CCDC149: variants seen among roughly 807,000 people sequenced by gnomAD.
CCDC149 encodes coiled-coil domain-containing protein 149.
Under a neutral mutation model 59.9 loss-of-function variants are expected in CCDC149, and 45 were observed. That is an observed-to-expected ratio of 0.75 (90% CI 0.59 to 0.96). The LOEUF (loss-of-function observed/expected upper bound fraction) is 0.96. Ranked by LOEUF, CCDC149 falls within the 40% of genes least tolerant of loss-of-function variation. The probability of loss-of-function intolerance (pLI) is 0.00; values close to 1 mark genes in which losing one functional copy is unlikely to be tolerated. For synonymous variants in CCDC149, 245 were observed against 260.6 expected, an observed-to-expected ratio of 0.94 and a Z score of 0.58; for missense variants, 584 against 664.7, an observed-to-expected ratio of 0.88 and a Z score of 1.33.
chr4:24,964,706 A>C (rs1343808339), intron 1 of CCDC149, among the ~76,000 whole-genome samples: 1 of 152,224 alleles, frequency 6.6e-6, no homozygotes, highest in Non-Finnish European at 1.5e-5. Context: ...TTAGCAAAAG[A>C]CATGAACTTA....
In CCDC149 at chr4:24,807,300, T is replaced by A. The variant is rs1444939289; in HGVS notation, c.*1089A>T. On this transcript the variant is annotated 3_prime_UTR_variant, in exon 13 of 13. Coordinates refer to ENST00000635206, the MANE Select transcript of CCDC149 (RefSeq NM_001330643.2). ...CATGCCCTCCTTTCCCATCCCTGTA[T>A]CATGTCCTTGGTTCCACATCCCCCC... 1 of 152,238 alleles carries A rather than the reference T, an allele frequency of 6.6e-6. No individual in the cohort carries two copies. The highest frequency in any genetic ancestry group is 1.9e-4 in the East Asian group (1 of 5,190). The allele number at this position is 152,238 out of a possible 1,614,324, so 9.4% of individuals were successfully genotyped here. A position where few individuals can be genotyped will look rare whatever the true frequency, so the allele number is the denominator to read the frequency against.
At chr4:24,960,564 A>T in intron 1 of CCDC149, among the ~76,000 whole-genome samples, 1 of 152,196 alleles carries the variant, frequency 6.6e-6, no homozygotes, top group East Asian at 1.9e-4. Flanking sequence ...GGATGGGAAA[A>T]TGTATGCCAT....
intron 1 of CCDC149, among the ~76,000 whole-genome samples, chr4:24,936,323 G>T (rs1043439227): frequency 2.7e-5 from 4 of 150,626 alleles, no homozygotes; most frequent in African/African-American, 9.8e-5. Context: ...TTTTTATAAT[G>T]ATTGAAATAT....
At chr4:24,946,533 G>T (rs6833916) in intron 1 of CCDC149, among the ~76,000 whole-genome samples, 40,466 of 152,052 alleles carry the variant, frequency 0.27, 6,454 homozygotes, top group African/African-American at 0.44. Context: ...AACAAATGGC[G>T]GGTACTTGGT....
Position 24,836,465 on chromosome 4 carries a change from G to A in CCDC149, c.706C>T (p.Leu236Phe). The A allele has an allele frequency of 1.2e-6, 2 of 1,612,566 alleles. No homozygotes were observed. Among genetic ancestry groups the A allele is most frequent in the Non-Finnish European group, 1.7e-6 (2 of 1,178,738 alleles). The change falls in exon 7 of 13, where the codon CTC (leucine) becomes TTC (phenylalanine). Residue 236 changes from leucine to phenylalanine, a missense_variant. Transcript: ENST00000635206. Reference sequence around the variant, plus strand: ...TATTTGGCAATGTTTGATTTCAAGAGGTTGACCTCTTCATGGAGTTGCTTT... The same window carrying A: ...TATTTGGCAATGTTTGATTTCAAGAAGTTGACCTCTTCATGGAGTTGCTTT...
chr4:24,821,429 G>C (rs1263642294), intron 10 of CCDC149, among the ~76,000 whole-genome samples: 1 of 152,176 alleles, frequency 6.6e-6, no homozygotes, highest in Non-Finnish European at 1.5e-5. Context: ...TGCAGACATG[G>C]ATCATTCAAA....
intron 1 of CCDC149, among the ~76,000 whole-genome samples, chr4:24,888,106 C>T (rs1331856927): frequency 6.6e-6 from 1 of 152,022 alleles, no homozygotes; most frequent in African/African-American, 2.4e-5. Flanking sequence ...CCCTGTATCG[C>T]AGCACCTGCC....
upstream of CCDC149, among the ~76,000 whole-genome samples, chr4:24,918,040 A>G (rs1722183520): frequency 1.3e-5 from 2 of 151,940 alleles, no homozygotes; most frequent in Admixed American, 1.3e-4. Flanking sequence ...TCGTTCTGGA[A>G]GCCTTATGAA....
intron 3 of CCDC149, among the ~76,000 whole-genome samples, chr4:24,863,222 G>A (rs1380118648): frequency 2.6e-5 from 4 of 151,758 alleles, no homozygotes; most frequent in African/African-American, 9.7e-5. Context: ...GAACCCAGAG[G>A]TGGAGGCTGC....
In CCDC149 at chr4:24,853,245, T is replaced by C. The variant is rs908084962; in HGVS notation, c.265-66A>G. 71 of 1,233,378 alleles carry C rather than the reference T, an allele frequency of 5.8e-5. 1 individual carries two copies. Among genetic ancestry groups the C allele is most frequent in the Admixed American group, 3.1e-4 (18 of 58,640 alleles). 76.4% of individuals were successfully genotyped at this position (1,233,378 alleles called of 1,614,324 possible). On this transcript the variant is annotated intron_variant, in intron 3 of 12. Transcript: ENST00000635206. Reference sequence around the variant, plus strand: ...AGGAGTGGATGAATGCAGGGCTTCATTGGGCTTGTGGATGCTGGTGTCTAA... The same window carrying C: ...AGGAGTGGATGAATGCAGGGCTTCACTGGGCTTGTGGATGCTGGTGTCTAA...
chr4:24,916,420 A>T (rs1722121036), upstream of CCDC149, among the ~76,000 whole-genome samples: 1 of 152,206 alleles, frequency 6.6e-6, no homozygotes, highest in Non-Finnish European at 1.5e-5. Context: ...TGGGAAAGAA[A>T]GGATGATTTG....
At chr4:24,961,271 C>T (rs948296883) in intron 1 of CCDC149, among the ~76,000 whole-genome samples, 1 of 152,058 alleles carries the variant, frequency 6.6e-6, no homozygotes, top group East Asian at 1.9e-4. Context: ...GTGCTCCAGA[C>T]GCCTCCAACC....
intron 1 of CCDC149, among the ~76,000 whole-genome samples, chr4:24,965,480 C>A (rs756753446): frequency 0.016 from 2,422 of 148,652 alleles, 71 homozygotes; most frequent in African/African-American, 0.047. Context: ...TTGAAGTTAA[C>A]GACAGAAAAA....
intron 1 of CCDC149, among the ~76,000 whole-genome samples, chr4:24,898,621 C>A (rs1720981789): frequency 6.6e-6 from 1 of 152,152 alleles, no homozygotes; most frequent in African/African-American, 2.4e-5. Context: ...TGCTAAGTGT[C>A]TATCCTGTGC....
rs1253209128 is a variant in CCDC149, at chr4:24,931,849, A to ATATATATATATATATATACATG, written c.-64-36732_-64-36731insCATGTATATATATATATATATA. ...AGTATGTATATATATATATATATATATATGCATAATCCATATCCATGTCTA... is the reference window on the plus strand; with the variant it reads ...AGTATGTATATATATATATATATATATATATATATATATATATACATGTATGCATAATCCATATCCATGTCTA... On this transcript the variant is annotated intron_variant, in intron 1 of 12. Transcript: ENST00000389609. 6.3e-5 allele frequency among the ~76,000 whole-genome samples: 9 copies of ATATATATATATATATATACATG among 143,988 alleles called. 1 individual carries two copies. The highest frequency in any genetic ancestry group is 2.1e-4 in the African/African-American group (8 of 37,976). 94.5% of individuals were successfully genotyped at this position (143,988 alleles called of 152,430 possible).
chr4:24,846,017 A>C (rs1281086450), intron 4 of CCDC149, among the ~76,000 whole-genome samples: 1 of 152,236 alleles, frequency 6.6e-6, no homozygotes, highest in Non-Finnish European at 1.5e-5. Flanking sequence ...TCAGTTCTCC[A>C]CTAGGAAGTG....
intron 9 of CCDC149, chr4:24,829,183 G>A (rs1715968054): frequency 6.6e-6 from 1 of 152,554 alleles, no homozygotes; most frequent in Non-Finnish European, 1.5e-5. Context: ...CAAGGAAGAA[G>A]TGATGGTCAA....
chr4:24,862,972 C>G (rs1311124825), intron 3 of CCDC149, among the ~76,000 whole-genome samples: 17 of 152,132 alleles, frequency 1.1e-4, no homozygotes, highest in Admixed American at 1.1e-3. Flanking sequence ...ATTTCTCCCA[C>G]AGACAAAACA....
At chr4:24,947,219 CAT>C (rs1225429980) in intron 1 of CCDC149, among the ~76,000 whole-genome samples, 2 of 152,156 alleles carry the variant, frequency 1.3e-5, no homozygotes, top group African/African-American at 2.4e-5. Flanking sequence ...ATAATCCCCA[CAT>C]GTCATGGGAG....
Sources: gnomAD v4.1 joint callset for allele counts (sites outside exome capture counted in the v4.1 genomes callset) on GRCh38, gnomAD v4.1.1 for gene constraint, MANE v1.5 for transcripts, NCBI Gene and HGNC (gene_info 2026-07-23, HGNC 2026-07-21) for gene names.